Variants in ATIC observed in about 807,000 individuals in gnomAD.
ATIC encodes the protein 5-aminoimidazole-4-carboxamide ribonucleotide formyltransferase/IMP cyclohydrolase, also known as bifunctional purine biosynthesis protein ATIC.
A neutral mutation model predicts 72.5 loss-of-function variants in ATIC; 64 were observed. The observed-to-expected ratio is 0.88, with a 90% CI of 0.72 to 1.09. ATIC has a LOEUF of 1.09. Ranked by LOEUF, ATIC falls within the 50% of genes least tolerant of loss-of-function variation. ATIC has a pLI of 0.00. For synonymous variants in ATIC, 281 were observed against 267.1 expected (o/e 1.05, Z -0.51); for missense variants, 787 against 732.4 (o/e 1.07, Z -0.86).
At chr2:215,319,540 CA>C in intron 3 of ATIC, 124 bp from the exon 4 acceptor site, 1 of 757,850 alleles carries the variant, frequency 1.3e-6, no homozygotes, top group Non-Finnish European at 2.3e-6. Flanking sequence ...GAGACCATCT[CA>C]AAAAAATAAA....
chr2:215,335,922 C>T (rs1282367653), intron 10 of ATIC, 113 bp from the exon 11 acceptor site: 3 of 813,046 alleles, frequency 3.7e-6, no homozygotes, highest in Non-Finnish European at 6.0e-6. Flanking sequence ...TTGTTGGAGG[C>T]AGAAACCAGA....
chr2:215,353,374 A>C (rs1383488129), downstream of ATIC, among the ~76,000 whole-genome samples: 2 of 151,506 alleles, frequency 1.3e-5, no homozygotes, highest in Non-Finnish European at 2.9e-5. Flanking sequence ...ACTCCTGTTG[A>C]TTCCTGGACT....
In ATIC at chr2:215,348,696, C is replaced by T. The variant is rs997295404; in HGVS notation, c.1504-398C>T. ...AAGAAATCCTGGCCGGGCGCGGTGG[C>T]TCATGCCTATAATCCCAGCACTTTG... On this transcript the variant is annotated intron_variant, in intron 14 of 15. Coordinates refer to ENST00000236959, the MANE Select transcript of ATIC (RefSeq NM_004044.7). 9.6e-6 allele frequency: 4 copies of T among 418,748 alleles called. No homozygotes were observed. In the Admixed American group the frequency reaches 1.2e-4, roughly 12 times the overall value. The allele number at this position is 418,748 out of a possible 1,614,324, so 25.9% of individuals were successfully genotyped here. A position where few individuals can be genotyped will look rare whatever the true frequency, so the allele number is the denominator to read the frequency against.
At chr2:215,362,464 C>T in the ATIC span, 38,618 of 263,386 alleles carry the variant, frequency 0.15, 3,444 homozygotes, top group East Asian at 0.22. Context: ...CATGAAGAAA[C>T]GTTCTCATTT....
At chr2:215,336,168 CTG>C (rs2052952830) in intron 11 of ATIC, 44 bp downstream of exon 11, 1 of 1,409,080 alleles carries the variant, frequency 7.1e-7, no homozygotes, top group Non-Finnish European at 1.0e-6. Flanking sequence ...CTCTTTTATT[CTG>C]TGTCTCTTTC....
the ATIC span, among the ~76,000 whole-genome samples, chr2:215,359,789 A>AT: frequency 1.3e-5 from 2 of 151,838 alleles, no homozygotes; most frequent in African/African-American, 2.4e-5. Flanking sequence ...TAGTTTTAAT[A>AT]TTCTTTGCCA....
the ATIC span, chr2:215,364,987 T>TTGAATTCTCCTTTTCC: frequency 6.4e-7 from 1 of 1,555,134 alleles, no homozygotes; most frequent in Non-Finnish European, 8.7e-7. Flanking sequence ...TTGCCTCATC[T>TTGAATTCTCCTTTTCC]GCATATAGAC....
At chr2:215,339,429 T>C (rs990289740) in intron 12 of ATIC, among the ~76,000 whole-genome samples, 1 of 152,056 alleles carries the variant, frequency 6.6e-6, no homozygotes, top group African/African-American at 2.4e-5. Flanking sequence ...GGTGAGAGGA[T>C]TGCATGAGTC....
chr2:215,326,736 T>C, intron 6 of ATIC, 86 bp from the exon 7 acceptor site: 2 of 1,503,926 alleles, frequency 1.3e-6, no homozygotes, highest in African/African-American at 1.4e-5. Flanking sequence ...AGTGAGGAGA[T>C]GTTGTTTGCT....
intron 4 of ATIC, among the ~76,000 whole-genome samples, chr2:215,324,189 G>A (rs1404232618): frequency 2.0e-5 from 3 of 152,208 alleles, no homozygotes; most frequent in African/African-American, 7.2e-5. Context: ...GAGCCACTGC[G>A]CCTGGCCTCT....
At chr2:215,350,438 G>C (rs1318531330), downstream of ATIC, among the ~76,000 whole-genome samples, 2 of 152,022 alleles carry the variant, frequency 1.3e-5, no homozygotes, top group African/African-American at 2.4e-5. Flanking sequence ...CGGCCCTCAT[G>C]CCATTTATTT....
chr2:215,337,155 A>T (rs2106026560), intron 11 of ATIC, among the ~76,000 whole-genome samples: 1 of 150,308 alleles, frequency 6.7e-6, no homozygotes, highest in African/African-American at 2.4e-5. Context: ...GTCTAAGATT[A>T]TGCATTGATA....
chr2:215,361,618 A>G, the ATIC span: 1 of 1,610,388 alleles, frequency 6.2e-7, no homozygotes, highest in Non-Finnish European at 8.5e-7. Context: ...CAATTGGGCA[A>G]TTAACATTCT....
chr2:215,320,603 A>G lies in ATIC; in HGVS notation c.290+872A>G, dbSNP rs180835589. Among the ~76,000 whole-genome samples the G allele has an allele frequency of 1.1e-4, 17 of 152,106 alleles. No homozygotes were observed. In the East Asian group the frequency reaches 1.6e-3, roughly 14 times the overall value. On this transcript the variant is annotated intron_variant, in intron 4 of 15. Transcript: ENST00000236959. ...ATTTAATTTAATTTTATTTTGAGAC[A>G]GGGTCTCGCTCTGTTGCTCAGGTTG...
At chr2:215,351,524 G>A (rs2053130402), downstream of ATIC, among the ~76,000 whole-genome samples, 1 of 152,112 alleles carries the variant, frequency 6.6e-6, no homozygotes, top group African/African-American at 2.4e-5. Context: ...CACTTTGGGA[G>A]GATTGCTTGA....
At chr2:215,328,783 T>C (rs927068726) in intron 7 of ATIC, among the ~76,000 whole-genome samples, 1 of 151,400 alleles carries the variant, frequency 6.6e-6, no homozygotes, top group Non-Finnish European at 1.5e-5. Flanking sequence ...AGTGGTGCGA[T>C]CTTGGCTCGC....
At chr2:215,368,225 C>T in the ATIC span, among the ~76,000 whole-genome samples, 4,248 of 152,268 alleles carry the variant, frequency 0.028, 184 homozygotes, top group African/African-American at 0.095. Context: ...GTCACAGGCA[C>T]CCGACAGGAA....
chr2:215,330,717 T>C lies in ATIC; in HGVS notation c.689-1665T>C, dbSNP rs560503685. Among the ~76,000 whole-genome samples the C allele has an allele frequency of 4.6e-5, 7 of 151,964 alleles. No individual in the cohort carries two copies. In the South Asian group the frequency reaches 1.2e-3, roughly 27 times the overall value. On this transcript the variant is annotated intron_variant, in intron 7 of 15. Coordinates refer to ENST00000236959, the MANE Select transcript of ATIC (RefSeq NM_004044.7). ...CTGTTATCTTTTTCTCTTTTCTTTT[T>C]TTTTTTTTTGGAATGGAGTCTTGCT...
chr2:215,349,998 A>T (rs2053117631), downstream of ATIC, among the ~76,000 whole-genome samples: 3 of 152,210 alleles, frequency 2.0e-5, no homozygotes, highest in South Asian at 6.2e-4. Flanking sequence ...ACTGGGAGTT[A>T]TACCCATCTT....
Sources: gnomAD v4.1 joint callset for allele counts (sites outside exome capture counted in the v4.1 genomes callset) on GRCh38, gnomAD v4.1.1 for gene constraint, MANE v1.5 for transcripts, NCBI Gene and HGNC (gene_info 2026-07-23, HGNC 2026-07-21) for gene names.